NUCB2: variants seen among roughly 807,000 people sequenced by gnomAD.
The protein encoded by NUCB2 is nucleobindin-2.
Under a neutral mutation model 57.9 loss-of-function variants are expected in NUCB2, and 48 were observed. The observed-to-expected ratio is 0.83, with a 90% CI of 0.66 to 1.05. NUCB2 has a LOEUF of 1.05. Ranked by LOEUF, NUCB2 falls within the 50% of genes least tolerant of loss-of-function variation. The pLI is 0.00. For missense variants in NUCB2, 442 were observed against 476.2 expected (o/e 0.93, Z 0.67); for synonymous variants, 139 against 152.1 (o/e 0.91, Z 0.64).
At chr11:17,316,867 T>G (rs1055739327) in intron 11 of NUCB2, among the ~76,000 whole-genome samples, 4 of 152,346 alleles carry the variant, frequency 2.6e-5, no homozygotes, top group African/African-American at 9.6e-5. Flanking sequence ...TACCCAGGAC[T>G]GAGGAATTTC....
chr11:17,339,081 G>A lies in NUCB2; in HGVS notation n.2626+1547G>A, dbSNP rs539201243. Among the ~76,000 whole-genome samples the A allele has an allele frequency of 5.3e-5, 8 of 151,932 alleles. No homozygotes were observed. The South Asian group carries it at 6.2e-4, about 12-fold the overall frequency. On this transcript the variant is annotated intron_variant and non_coding_transcript_variant, in intron 2 of 2. Transcript: ENST00000532240. ...TGCCTCACTGCAGCCTCTGCCTCCC[G>A]GGTTCAAGTGATTCTCCTGCCTCAG...
At chr11:17,335,305 C>T (rs1951718807), downstream of NUCB2, among the ~76,000 whole-genome samples, 1 of 151,896 alleles carries the variant, frequency 6.6e-6, no homozygotes, top group Non-Finnish European at 1.5e-5. Flanking sequence ...GTGGTTAAAT[C>T]GAATTAATTG....
chr11:17,321,633 G>C (rs546814867), intron 11 of NUCB2, among the ~76,000 whole-genome samples: 1 of 152,190 alleles, frequency 6.6e-6, no homozygotes, highest in South Asian at 2.1e-4. Flanking sequence ...AGATTGCTGG[G>C]TCATATGTTA....
At chr11:17,300,079 C>G (rs1946448844) in intron 4 of NUCB2, among the ~76,000 whole-genome samples, 1 of 151,830 alleles carries the variant, frequency 6.6e-6, no homozygotes, top group Non-Finnish European at 1.5e-5. Context: ...GGCATGATCT[C>G]AGCTTACTAC....
At chr11:17,282,253 TA>T (rs1565358632) in intron 1 of NUCB2, among the ~76,000 whole-genome samples, 61 of 104,260 alleles carry the variant, frequency 5.9e-4, no homozygotes, top group African/African-American at 2.5e-3. Context: ...TATATATATA[TA>T]TATATTTTTT....
At chr11:17,312,530 G>A (rs1948651118) in intron 10 of NUCB2, among the ~76,000 whole-genome samples, 2 of 151,782 alleles carry the variant, frequency 1.3e-5, no homozygotes, top group East Asian at 1.9e-4. Context: ...AGCCTCCTGA[G>A]TAGCAGGGAT....
chr11:17,292,007 A>T (rs1258094795), intron 2 of NUCB2, among the ~76,000 whole-genome samples: 1 of 152,180 alleles, frequency 6.6e-6, no homozygotes, highest in East Asian at 1.9e-4. Context: ...TGGTGTGAAT[A>T]CAAGCAGCTT....
intron 11 of NUCB2, chr11:17,317,522 A>G: frequency 2.5e-6 from 1 of 399,334 alleles, no homozygotes; most frequent in South Asian, 1.8e-5. Flanking sequence ...TCCCAATAAT[A>G]TCCTTTATAA....
chr11:17,277,861 A>T (rs2137736841), intron 1 of NUCB2, among the ~76,000 whole-genome samples: 1 of 152,340 alleles, frequency 6.6e-6, no homozygotes, highest in South Asian at 2.1e-4. Context: ...TTGAAACTTG[A>T]ATAAGTTCAA....
At chr11:17,290,169 C>G (rs991119889) in intron 2 of NUCB2, among the ~76,000 whole-genome samples, 1 of 152,104 alleles carries the variant, frequency 6.6e-6, no homozygotes, top group African/African-American at 2.4e-5. Flanking sequence ...TGCTGTTATT[C>G]CCCTAATATC....
At chr11:17,318,253 G>A (rs1031651324) in intron 11 of NUCB2, among the ~76,000 whole-genome samples, 1 of 151,678 alleles carries the variant, frequency 6.6e-6, no homozygotes, top group African/African-American at 2.4e-5. Context: ...CTGAGCTCAA[G>A]CAATCTGCCT....
At chr11:17,334,548 T>A (rs548567925), downstream of NUCB2, 1 of 152,256 alleles carries the variant, frequency 6.6e-6, no homozygotes, top group South Asian at 2.1e-4. Context: ...TTGGGAAATA[T>A]AATGTTCAAC....
In NUCB2 at chr11:17,312,124, T is replaced by A; in HGVS notation, c.912+4T>A. 7.4e-7 allele frequency: 1 copy of A among 1,356,864 alleles called. No individual in the cohort carries two copies. 84.1% of individuals were successfully genotyped at this position (1,356,864 alleles called of 1,614,324 possible). On this transcript the variant is annotated splice_donor_region_variant and intron_variant, in intron 10 of 13. Transcript: ENST00000529010. ...GAGGGAACATGTAATGAATGAGGTA[T>A]GTTTTAAAAGTTTAAGATAATATGT...
rs558927705 is a variant in NUCB2 at position 17,314,599 on chromosome 11, T to A, written c.913-787T>A. ...TACTTCCACCGAGTCTGTGCTCAAA[T>A]GTCCATGGTCCATCCAATGACTACG... is the stretch of plus-strand genomic sequence containing the variant. On this transcript the variant is annotated intron_variant, in intron 10 of 13. Coordinates refer to ENST00000529010, the MANE Select transcript of NUCB2 (RefSeq NM_005013.4). Among the ~76,000 whole-genome samples the A allele has an allele frequency of 4.6e-5, 7 of 152,352 alleles. No individual in the cohort carries two copies. In the East Asian group the frequency reaches 1.3e-3, roughly 29 times the overall value.
At chr11:17,332,911 T>C (rs1040688304), downstream of NUCB2, 6 of 152,036 alleles carry the variant, frequency 3.9e-5, no homozygotes, top group Admixed American at 3.3e-4. Context: ...GGAGTATTGC[T>C]ATGTTGCTCA....
Position 17,329,828 on chromosome 11 carries a change from G to C in NUCB2, c.1003-299G>C, listed in dbSNP as rs186418606. Reference sequence around the variant, plus strand: ...AAATTTCATGTTTCAGTGAGGGTTGGGGGGAATGACAAATTTTATTTCTCT... The same window carrying C: ...AAATTTCATGTTTCAGTGAGGGTTGCGGGGAATGACAAATTTTATTTCTCT... On this transcript the variant is annotated intron_variant, in intron 11 of 13. Transcript: ENST00000529010. Among the ~76,000 whole-genome samples, 414 of 152,212 alleles carry C rather than the reference G, an allele frequency of 2.7e-3. 2 individuals carry two copies. Among genetic ancestry groups the C allele is most frequent in the Non-Finnish European group, 2.9e-3 (200 of 67,988 alleles).
At chr11:17,286,914 A>ACTTACCAT (rs1943834848) in intron 2 of NUCB2, among the ~76,000 whole-genome samples, 1 of 152,112 alleles carries the variant, frequency 6.6e-6, no homozygotes, top group Admixed American at 6.5e-5. Flanking sequence ...GTGCTGGAAT[A>ACTTACCAT]CTTACCATTT....
chr11:17,299,373 A>G (rs542618076), intron 4 of NUCB2, among the ~76,000 whole-genome samples: 2 of 152,208 alleles, frequency 1.3e-5, no homozygotes, highest in Non-Finnish European at 2.9e-5. Context: ...TTATCTAATA[A>G]TAATGACTAT....
intron 11 of NUCB2, among the ~76,000 whole-genome samples, chr11:17,321,909 A>C (rs969162059): frequency 6.6e-6 from 1 of 151,964 alleles, no homozygotes; most frequent in African/African-American, 2.4e-5. Context: ...AGAAATGTCT[A>C]CTCAAATCTT....
Sources: gnomAD v4.1 joint callset for allele counts (sites outside exome capture counted in the v4.1 genomes callset) on GRCh38, gnomAD v4.1.1 for gene constraint, MANE v1.5 for transcripts, NCBI Gene and HGNC (gene_info 2026-07-23, HGNC 2026-07-21) for gene names.